ADGRL3: variants seen among roughly 807,000 people sequenced by gnomAD.
The protein encoded by ADGRL3 is calcium-independent alpha-latrotoxin receptor 3.
A neutral mutation model predicts 153.5 loss-of-function variants in ADGRL3; 62 were observed. The ratio of observed to expected loss-of-function variants is 0.40; its 90% CI spans 0.33 to 0.50. ADGRL3 has a LOEUF of 0.50. Among genes scored for constraint, ADGRL3 ranks in the 20% least tolerant of loss-of-function variants. The pLI is 0.47. For synonymous variants in ADGRL3, 710 were observed against 672.5 expected, an observed-to-expected ratio of 1.06 and a Z score of -0.86; for missense variants, 1,641 against 1,859.4, an observed-to-expected ratio of 0.88 and a Z score of 2.16.
In ADGRL3 at chr4:62,009,868, C is replaced by T. The variant is rs575656774; in HGVS notation, c.3395+11603C>T. Among the ~76,000 whole-genome samples the T allele has an allele frequency of 8.5e-5, 13 of 152,226 alleles. No homozygotes were observed. In the South Asian group the frequency reaches 2.5e-3, roughly 29 times the overall value. On this transcript the variant is annotated intron_variant, in intron 21 of 26. Transcript: ENST00000683033. ...CTCAGGCCACTACAAATTCAGGAGT[C>T]CCCATGACCATCCCTCAAATTTAAT...
intron 1 of ADGRL3, among the ~76,000 whole-genome samples, chr4:61,252,827 C>T (rs1178421250): frequency 6.6e-6 from 1 of 151,942 alleles, no homozygotes; most frequent in Non-Finnish European, 1.5e-5. Flanking sequence ...GTCTTCTGCT[C>T]ATCATGTCTG....
At chr4:62,070,064 G>T in intron 26 of ADGRL3, 45 bp from the exon 27 acceptor site, 1 of 1,504,256 alleles carries the variant, frequency 6.6e-7, no homozygotes, top group Non-Finnish European at 9.1e-7. Flanking sequence ...TGTGTTCTAT[G>T]GCTTGTTGGA....
At chr4:61,399,634 TA>T (rs1164400177) in intron 2 of ADGRL3, among the ~76,000 whole-genome samples, 1 of 151,688 alleles carries the variant, frequency 6.6e-6, no homozygotes, top group African/African-American at 2.4e-5. Context: ...AATCAACATC[TA>T]AAACTGCTAG....
At chr4:61,824,427 T>C (rs185942390) in intron 9 of ADGRL3, among the ~76,000 whole-genome samples, 71 of 152,338 alleles carry the variant, frequency 4.7e-4, no homozygotes, top group Admixed American at 4.4e-3. Flanking sequence ...TCTTGTAAAA[T>C]ATTAAAATGT....
At chr4:61,525,621 C>T (rs528789346) in intron 4 of ADGRL3, among the ~76,000 whole-genome samples, 16 of 152,128 alleles carry the variant, frequency 1.1e-4, no homozygotes, top group Admixed American at 8.5e-4. Flanking sequence ...AGGTTATTGC[C>T]ATAGGGCAGA....
intron 9 of ADGRL3, among the ~76,000 whole-genome samples, chr4:61,819,060 A>G (rs1466517627): frequency 1.3e-5 from 2 of 152,130 alleles, no homozygotes; most frequent in East Asian, 1.9e-4. Context: ...CCTTTCAACT[A>G]TAACCCCTCA....
chr4:61,895,783 T>G lies in ADGRL3; in HGVS notation c.1836T>G (p.Gly612=). Residue 612 remains glycine (G), a synonymous_variant, in exon 11 of 27, where the codon GGT becomes GGG. Transcript: ENST00000683033. ...LAPDGIWDPQ[G]PDLSNCSSPW... is the part of the protein sequence containing the mutation. ...CTGATGGAATTTGGGATCCCCAAGG[T>G]CCAGATCTCAGCAACTGTTCTTCTC... is the stretch of plus-strand genomic sequence containing the variant. The G allele has an allele frequency of 6.2e-7, 1 of 1,601,364 alleles. No homozygotes were observed. The highest frequency in any genetic ancestry group is 8.5e-7 in the Non-Finnish European group (1 of 1,173,226).
At chr4:61,538,926 G>T (rs976503755) in intron 4 of ADGRL3, among the ~76,000 whole-genome samples, 1 of 152,130 alleles carries the variant, frequency 6.6e-6, no homozygotes, top group Non-Finnish European at 1.5e-5. Context: ...CCAGCTTCTT[G>T]TCCTGTGCAG....
At chr4:61,307,609 A>G (rs1287286712) in intron 1 of ADGRL3, among the ~76,000 whole-genome samples, 4 of 152,232 alleles carry the variant, frequency 2.6e-5, no homozygotes, top group South Asian at 2.1e-4. Context: ...GTGAATTGCA[A>G]ATATCAGCTA....
chr4:61,403,513 C>T (rs1158440212), intron 2 of ADGRL3, among the ~76,000 whole-genome samples: 3 of 152,064 alleles, frequency 2.0e-5, no homozygotes, highest in Non-Finnish European at 4.4e-5. Flanking sequence ...GACCTTGAAG[C>T]CCCGTGCTCC....
chr4:61,718,403 A>T (rs2096169069), intron 6 of ADGRL3, among the ~76,000 whole-genome samples: 1 of 152,202 alleles, frequency 6.6e-6, no homozygotes, highest in Non-Finnish European at 1.5e-5. Flanking sequence ...CAGTGAATGA[A>T]GCAGTCGTTA....
chr4:61,644,655 T>C (rs1337764241), intron 5 of ADGRL3, among the ~76,000 whole-genome samples: 1 of 152,184 alleles, frequency 6.6e-6, no homozygotes, highest in East Asian at 1.9e-4. Flanking sequence ...CAGAGATAGT[T>C]TGTTATAATT....
chr4:61,369,423 A>G (rs1371744323), intron 1 of ADGRL3, among the ~76,000 whole-genome samples: 1 of 152,126 alleles, frequency 6.6e-6, no homozygotes, highest in Non-Finnish European at 1.5e-5. Context: ...TAATTTATTG[A>G]GAGTTTTTAG....
intron 17 of ADGRL3, among the ~76,000 whole-genome samples, chr4:61,958,389 C>CTTTT (rs1174611620): frequency 1.9e-5 from 2 of 103,196 alleles, no homozygotes; most frequent in Admixed American, 2.6e-4. Context: ...TTCTTTCTTT[C>CTTTT]TTTCTTTCTT....
intron 5 of ADGRL3, among the ~76,000 whole-genome samples, chr4:61,657,015 T>A (rs1317091709): frequency 2.6e-5 from 4 of 152,192 alleles, no homozygotes; most frequent in Non-Finnish European, 5.9e-5. Flanking sequence ...TCTTGCCAAA[T>A]GTCTATTCTT....
At chr4:61,772,005 G>A (rs1351700699) in intron 8 of ADGRL3, among the ~76,000 whole-genome samples, 1 of 152,124 alleles carries the variant, frequency 6.6e-6, no homozygotes. Flanking sequence ...CTAACAGTTG[G>A]CTACCTACAG....
chr4:61,225,746 T>G (rs1273633827), intron 1 of ADGRL3, among the ~76,000 whole-genome samples: 1 of 152,196 alleles, frequency 6.6e-6, no homozygotes, highest in Non-Finnish European at 1.5e-5. Context: ...CTAAGCTTGC[T>G]TCATTCTTAA....
At chr4:61,251,755 A>T (rs894043172) in intron 1 of ADGRL3, among the ~76,000 whole-genome samples, 1 of 149,108 alleles carries the variant, frequency 6.7e-6, no homozygotes, top group East Asian at 2.0e-4. Context: ...TTAATCTTGG[A>T]TCTTCACACT....
At chr4:61,470,640 T>C (rs913823741) in intron 2 of ADGRL3, among the ~76,000 whole-genome samples, 43 of 151,922 alleles carry the variant, frequency 2.8e-4, no homozygotes, top group African/African-American at 1.0e-3. Context: ...GTATTCCTCT[T>C]TGGGGAATTT....
Sources: gnomAD v4.1 joint callset for allele counts (sites outside exome capture counted in the v4.1 genomes callset) on GRCh38, gnomAD v4.1.1 for gene constraint, MANE v1.5 for transcripts, NCBI Gene and HGNC (gene_info 2026-07-23, HGNC 2026-07-21) for gene names.